LPP: variants seen among roughly 807,000 people sequenced by gnomAD.
LPP encodes lipoma-preferred partner.
In LPP, 38 loss-of-function variants were observed where a neutral mutation model predicts 60.4. The observed-to-expected ratio is 0.63, with a 90% confidence interval of 0.49 to 0.83. LPP has a LOEUF of 0.83. Among genes scored for constraint, LPP ranks in the 40% least tolerant of loss-of-function variants. The probability of loss-of-function intolerance (pLI) is 0.00; values close to 1 mark genes in which losing one functional copy is unlikely to be tolerated. For missense variants in LPP, 902 were observed against 783.6 expected (o/e 1.15, Z -1.80); for synonymous variants, 328 against 290.8 (o/e 1.13, Z -1.30).
chr3:188,391,907 G>A (rs925635340), intron 3 of LPP, among the ~76,000 whole-genome samples: 1 of 152,066 alleles, frequency 6.6e-6, no homozygotes, highest in African/African-American at 2.4e-5. Flanking sequence ...AGAAAACAGG[G>A]CAAACAGCAG....
Position 188,410,772 on chromosome 3 carries a change from G to A in LPP, c.193+4459G>A, listed in dbSNP as rs547988942. On this transcript the variant is annotated intron_variant, in intron 4 of 11. Transcript: ENST00000617246. ...TTTTTTTTAGTTCAATAGCTTTTGG[G>A]GAACAGGTGGTTTTTGCTTACATGG... 2.6e-5 allele frequency among the ~76,000 whole-genome samples: 4 copies of A among 151,994 alleles called. No individual in the cohort carries two copies. The South Asian group carries it at 8.3e-4, about 32-fold the overall frequency.
In LPP at chr3:188,874,560, C is replaced by G; in HGVS notation, c.*81C>G. On this transcript the variant is annotated 3_prime_UTR_variant, in exon 12 of 12. Transcript: ENST00000617246. ...AAATACTAGAGTAAAGGCCATCAAA[C>G]TACGCGATAGTCTCTGTTCTTCATC... 1 of 1,473,902 alleles carries G rather than the reference C, an allele frequency of 6.8e-7. No homozygotes were observed. Among genetic ancestry groups the G allele is most frequent in the East Asian group, 2.3e-5 (1 of 43,670 alleles). 91.3% of individuals were successfully genotyped at this position (1,473,902 alleles called of 1,614,324 possible).
At chr3:188,172,867 AT>A (rs1721972238) in intron 1 of LPP, among the ~76,000 whole-genome samples, 1 of 151,898 alleles carries the variant, frequency 6.6e-6, no homozygotes, top group African/African-American at 2.4e-5. Context: ...TTTAATATTT[AT>A]TTACTTATTT....
intron 2 of LPP, among the ~76,000 whole-genome samples, chr3:188,231,376 C>G (rs1719901826): frequency 6.6e-6 from 1 of 152,168 alleles, no homozygotes; most frequent in South Asian, 2.1e-4. Flanking sequence ...ATCAATTTTA[C>G]TTGAAGACAT....
chr3:188,164,275 G>A (rs1052971114), intron 1 of LPP, among the ~76,000 whole-genome samples: 36 of 152,162 alleles, frequency 2.4e-4, no homozygotes, highest in African/African-American at 8.7e-4. Flanking sequence ...CTCTGTTCAT[G>A]TGTGTACTTT....
rs1376739020 is a variant in LPP at position 188,771,456 on chromosome 3, G to A, written c.1410+11174G>A. 2.0e-5 allele frequency among the ~76,000 whole-genome samples: 3 copies of A among 149,528 alleles called. No homozygotes were observed. In the East Asian group the frequency reaches 6.1e-4, roughly 30 times the overall value. ...CCCAGCTACTCGGGAGGCTGAGGCAGGAGAATCACTTGAACCCAGGAGGCA... is the reference window on the plus strand; with the variant it reads ...CCCAGCTACTCGGGAGGCTGAGGCAAGAGAATCACTTGAACCCAGGAGGCA... On this transcript the variant is annotated intron_variant, in intron 9 of 11. Coordinates refer to ENST00000617246, the MANE Select transcript of LPP (RefSeq NM_001375462.1).
At chr3:188,416,170 T>C (rs1786225077) in intron 4 of LPP, among the ~76,000 whole-genome samples, 1 of 152,192 alleles carries the variant, frequency 6.6e-6, no homozygotes, top group African/African-American at 2.4e-5. Context: ...CTTCTCTTAC[T>C]CAAAGTGCTA....
intron 1 of LPP, among the ~76,000 whole-genome samples, chr3:188,216,502 C>T (rs1331027215): frequency 6.6e-6 from 1 of 152,092 alleles, no homozygotes; most frequent in Non-Finnish European, 1.5e-5. Context: ...AACTCCTGAC[C>T]TCAGGTGATC....
intron 2 of LPP, among the ~76,000 whole-genome samples, chr3:188,256,441 G>A (rs1016516213): frequency 5.9e-5 from 9 of 152,074 alleles, no homozygotes; most frequent in African/African-American, 1.9e-4. Context: ...AATTGTTACT[G>A]GGTTGTTTGT....
rs1219713497 is a variant in LPP at position 188,352,827 on chromosome 3, C to G, written c.-10+11108C>G. Among the ~76,000 whole-genome samples the G allele has an allele frequency of 1.3e-5, 2 of 152,154 alleles. No homozygotes were observed. Among genetic ancestry groups the G allele is most frequent in the African/African-American group, 4.8e-5 (2 of 41,438 alleles). ...GAAGGTGAAGACACGGAGAGTAACT[C>G]AGTGCAGAGGCAGCGACGGGAAAGT... On this transcript the variant is annotated intron_variant, in intron 3 of 11. Coordinates refer to ENST00000617246, the MANE Select transcript of LPP (RefSeq NM_001375462.1). The surrounding 1 kb of genome is among the most constrained non-coding windows in gnomAD (Gnocchi z 4.4).
At chr3:188,678,888 G>T (rs1023654444) in intron 7 of LPP, among the ~76,000 whole-genome samples, 2 of 152,204 alleles carry the variant, frequency 1.3e-5, no homozygotes, top group African/African-American at 4.8e-5. Flanking sequence ...GATGTAGGTA[G>T]GTAACCTGAG....
At chr3:188,697,034 C>G in intron 7 of LPP, among the ~76,000 whole-genome samples, 1 of 152,130 alleles carries the variant, frequency 6.6e-6, no homozygotes, top group East Asian at 1.9e-4. Context: ...TGTTGAGATA[C>G]TTTGATTTGA....
chr3:188,446,077 G>C (rs1001149333), intron 4 of LPP, among the ~76,000 whole-genome samples: 1 of 152,162 alleles, frequency 6.6e-6, no homozygotes, highest in Non-Finnish European at 1.5e-5. Flanking sequence ...TGAAGGCAGC[G>C]GTCTTGCCAC....
At chr3:188,205,103 G>A (rs1283199044) in intron 1 of LPP, among the ~76,000 whole-genome samples, 2 of 152,038 alleles carry the variant, frequency 1.3e-5, no homozygotes, top group African/African-American at 4.8e-5. Flanking sequence ...TGGAGTGATT[G>A]TAATATTGTA....
rs116787542 is a variant in LPP at position 188,255,142 on chromosome 3, C to T, written c.-67+29615C>T. Among the ~76,000 whole-genome samples the T allele has an allele frequency of 5.9e-3, 893 of 152,284 alleles. 10 individuals carry two copies. Among genetic ancestry groups the T allele is most frequent in the African/African-American group, 0.02 (848 of 41,562 alleles). On this transcript the variant is annotated intron_variant, in intron 2 of 11. Coordinates refer to ENST00000617246, the MANE Select transcript of LPP (RefSeq NM_001375462.1). ...AGGGTACTAACTATAGTTTGCTGAC[C>T]TTATCCACTGTGTGGATTCATCTTG...
intron 1 of LPP, among the ~76,000 whole-genome samples, chr3:188,176,705 CTGTAAACAA>C (rs1723135946): frequency 6.6e-6 from 1 of 152,214 alleles, no homozygotes; most frequent in South Asian, 2.1e-4. Context: ...ATTTTCTCAT[CTGTAAACAA>C]AGACAGTCAT....
At chr3:188,161,594 AG>A (rs926167991) in intron 1 of LPP, among the ~76,000 whole-genome samples, 3 of 152,170 alleles carry the variant, frequency 2.0e-5, no homozygotes, top group African/African-American at 7.2e-5. Context: ...GCCCCAGAAA[AG>A]GGACAGAGCT....
chr3:188,181,721 A>C (rs1725063639), intron 1 of LPP, among the ~76,000 whole-genome samples: 1 of 152,208 alleles, frequency 6.6e-6, no homozygotes, highest in South Asian at 2.1e-4. Flanking sequence ...TAATTAAAAA[A>C]TTAATTGGTT....
rs1769148155 is a variant in LPP, at chr3:188,875,508, C to T, written c.*1029C>T. On this transcript the variant is annotated 3_prime_UTR_variant, in exon 12 of 12. Coordinates refer to ENST00000617246, the MANE Select transcript of LPP (RefSeq NM_001375462.1). ...TTATTACCAGGTCCATTTTGCCTGA[C>T]AATTGCAAATCAGAGCATACAAAAT... 1 of 214,626 alleles carries T rather than the reference C, an allele frequency of 4.7e-6. No homozygotes were observed. The highest frequency in any genetic ancestry group is 7.0e-5 in the East Asian group (1 of 14,320). The allele number at this position is 214,626 out of a possible 1,614,324, so 13.3% of individuals were successfully genotyped here.
Sources: allele counts gnomAD v4.1 joint callset (sites outside exome capture counted in the v4.1 genomes callset), GRCh38; gene constraint gnomAD v4.1.1; non-coding constraint Gnocchi (gnomAD v3.1); transcripts MANE v1.5; gene names NCBI Gene and HGNC (gene_info 2026-07-23, HGNC 2026-07-21).